TRAPPC9: variants seen among roughly 807,000 people sequenced by gnomAD.
TRAPPC9 encodes trafficking protein particle complex subunit 9.
A neutral mutation model predicts 124.0 loss-of-function variants in TRAPPC9; 83 were observed. The observed-to-expected ratio is 0.67, with a 90% confidence interval of 0.56 to 0.80. TRAPPC9 has a LOEUF of 0.80. TRAPPC9 is among the 30% of genes least tolerant of loss of function. TRAPPC9 has a pLI of 0.00. For synonymous variants in TRAPPC9, 638 were observed against 617.5 expected (o/e 1.03, Z -0.49); for missense variants, 1,302 against 1,508.3 (o/e 0.86, Z 2.27).
At chr8:140,030,756 C>T (rs1197492762) in intron 17 of TRAPPC9, among the ~76,000 whole-genome samples, 1 of 152,176 alleles carries the variant, frequency 6.6e-6, no homozygotes, top group Non-Finnish European at 1.5e-5. Context: ...AAGCCAGACA[C>T]ACAAGAGTGC....
chr8:139,894,018 A>C (rs1363398990), intron 20 of TRAPPC9, among the ~76,000 whole-genome samples: 3 of 152,176 alleles, frequency 2.0e-5, no homozygotes, highest in African/African-American at 7.2e-5. Flanking sequence ...ACCGCTTGGC[A>C]CCAGCATCCC....
At position 140,364,086 on chromosome 8, in the gene TRAPPC9, G is replaced by A. The variant is rs190388656; in HGVS notation, c.1352-3893C>T. ...AGCTGTGACCTGAGGATGACCGGGA[G>A]TGAGGCAGGAAGGACAGGGAAGAGT... On this transcript the variant is annotated intron_variant, in intron 8 of 22. Transcript: ENST00000438773. Among the ~76,000 whole-genome samples the A allele has an allele frequency of 5.5e-4, 83 of 152,244 alleles. No individual in the cohort carries two copies. In the East Asian group the frequency reaches 0.015, roughly 27 times the overall value.
chr8:140,455,130 C>A (rs2071607142), intron 1 of TRAPPC9, among the ~76,000 whole-genome samples: 1 of 152,048 alleles, frequency 6.6e-6, no homozygotes, highest in Admixed American at 6.6e-5. Context: ...ATGTACATAG[C>A]AGTATTATTC....
At chr8:140,037,279 T>C (rs957801198) in intron 17 of TRAPPC9, among the ~76,000 whole-genome samples, 2 of 151,862 alleles carry the variant, frequency 1.3e-5, no homozygotes, top group African/African-American at 4.8e-5. Context: ...CAAAACCAGC[T>C]AGTCTTACAA....
chr8:140,315,033 C>T (rs1431535168), intron 9 of TRAPPC9, among the ~76,000 whole-genome samples: 2 of 152,064 alleles, frequency 1.3e-5, no homozygotes, highest in African/African-American at 2.4e-5. Context: ...ACATAATGGC[C>T]GTACTAATTT....
At chr8:139,910,013 C>T (rs1340145104) in intron 20 of TRAPPC9, 134 bp downstream of exon 20, 13 of 1,033,968 alleles carry the variant, frequency 1.3e-5, no homozygotes, top group Admixed American at 1.1e-4. Context: ...CTTTGGTCCA[C>T]ATCTCCTTGC....
intron 17 of TRAPPC9, among the ~76,000 whole-genome samples, chr8:140,069,315 C>A (rs1321994869): frequency 2.0e-5 from 3 of 152,318 alleles, no homozygotes; most frequent in Non-Finnish European, 2.9e-5. Context: ...GCCCACCCCA[C>A]CTGGGCAAAT....
At chr8:140,272,288 G>A (rs2064952959) in intron 15 of TRAPPC9, among the ~76,000 whole-genome samples, 2 of 136,634 alleles carry the variant, frequency 1.5e-5, no homozygotes, top group Admixed American at 7.3e-5. Context: ...GATGGTGGTG[G>A]CAGTTGTGAC....
intron 17 of TRAPPC9, among the ~76,000 whole-genome samples, chr8:140,070,793 G>T (rs1004103349): frequency 2.0e-4 from 30 of 152,296 alleles, no homozygotes; most frequent in Admixed American, 1.4e-3. Context: ...CCATCAGCAG[G>T]CCCAGGAAAC....
chr8:139,910,827 G>A (rs1373297412), intron 19 of TRAPPC9, among the ~76,000 whole-genome samples: 2 of 152,148 alleles, frequency 1.3e-5, no homozygotes, highest in Non-Finnish European at 2.9e-5. Flanking sequence ...TTTACCCAAT[G>A]TCTGTACCCC....
At chr8:139,894,686 G>A (rs550873161) in intron 20 of TRAPPC9, among the ~76,000 whole-genome samples, 2 of 152,318 alleles carry the variant, frequency 1.3e-5, no homozygotes, top group South Asian at 4.1e-4. Flanking sequence ...GCCATGCTGT[G>A]ACTCACTCTA....
At chr8:140,236,931 CAGAAATTG>C (rs1421486789) in intron 16 of TRAPPC9, among the ~76,000 whole-genome samples, 4 of 152,074 alleles carry the variant, frequency 2.6e-5, no homozygotes, top group African/African-American at 9.7e-5. Flanking sequence ...CCTGTAATCC[CAGAAATTG>C]AGAGGCCAGG....
intron 19 of TRAPPC9, among the ~76,000 whole-genome samples, chr8:139,957,899 C>T (rs1449980027): frequency 2.6e-5 from 4 of 152,244 alleles, no homozygotes; most frequent in Admixed American, 6.5e-5. Flanking sequence ...ATCAAACTGA[C>T]GTCGTTTCTG....
intron 21 of TRAPPC9, among the ~76,000 whole-genome samples, chr8:139,789,236 A>C (rs1240902123): frequency 6.6e-6 from 1 of 152,122 alleles, no homozygotes; most frequent in Admixed American, 6.5e-5. Context: ...CCAGGTGTCT[A>C]GGGTCCCGGG....
intron 21 of TRAPPC9, among the ~76,000 whole-genome samples, chr8:139,845,527 T>C (rs1240133146): frequency 6.6e-6 from 1 of 152,260 alleles, no homozygotes; most frequent in Non-Finnish European, 1.5e-5. Context: ...CAATTGGGTA[T>C]GGCACTATGA....
intron 19 of TRAPPC9, among the ~76,000 whole-genome samples, chr8:139,941,492 ATGGCAGGAGGGCAGGCCAGGGGC>A (rs374168360): frequency 3.3e-4 from 51 of 152,344 alleles, no homozygotes; most frequent in African/African-American, 1.2e-3. Context: ...AGGGCCCAGT[ATGGCAGGAGGGCAGGCCAGGGGC>A]TGGCAGGAGG....
intron 21 of TRAPPC9, among the ~76,000 whole-genome samples, chr8:139,791,039 C>G (rs1822622394): frequency 6.6e-6 from 1 of 152,142 alleles, no homozygotes; most frequent in Admixed American, 6.5e-5. Context: ...GGACAGCCTG[C>G]AGAACCACGA....
intron 17 of TRAPPC9, among the ~76,000 whole-genome samples, chr8:140,039,567 A>G (rs899498929): frequency 1.3e-5 from 2 of 152,176 alleles, no homozygotes; most frequent in Non-Finnish European, 2.9e-5. Context: ...TAAATTCAAA[A>G]CCTGTGTTCT....
intron 1 of TRAPPC9, among the ~76,000 whole-genome samples, chr8:140,453,378 T>A (rs1046959594): frequency 6.6e-5 from 10 of 152,206 alleles, no homozygotes; most frequent in Admixed American, 1.3e-4. Context: ...AAAGCCTGAC[T>A]GCAGAGATCG....
Sources: gnomAD v4.1 joint callset for allele counts (sites outside exome capture counted in the v4.1 genomes callset) on GRCh38, gnomAD v4.1.1 for gene constraint, MANE v1.5 for transcripts, NCBI Gene and HGNC (gene_info 2026-07-23, HGNC 2026-07-21) for gene names.